Variants in TMEM116 observed in about 807,000 individuals in gnomAD.
The protein encoded by TMEM116 is transmembrane protein 116.
TMEM116 carries 38 observed loss-of-function variants against 44.3 expected under a neutral mutation model. The ratio of observed to expected loss-of-function variants is 0.86; its 90% confidence interval spans 0.66 to 1.12. The LOEUF (loss-of-function observed/expected upper bound fraction) is 1.12. Ranked by LOEUF, TMEM116 falls within the 50% of genes most tolerant of loss-of-function variation. The pLI, the probability that TMEM116 is intolerant of heterozygous loss-of-function variation, is 0.00. For missense variants in TMEM116, 354 were observed against 401.7 expected (o/e 0.88, Z 1.01); for synonymous variants, 132 against 144.8 (o/e 0.91, Z 0.64).
intron 4 of TMEM116, among the ~76,000 whole-genome samples, chr12:111,979,180 T>C (rs2075822070): frequency 1.3e-5 from 2 of 152,198 alleles, no homozygotes; most frequent in Admixed American, 6.5e-5. Flanking sequence ...TGAATACATG[T>C]ACACATGTTC....
At chr12:111,979,799 C>T (rs2075848983) in intron 4 of TMEM116, among the ~76,000 whole-genome samples, 1 of 152,206 alleles carries the variant, frequency 6.6e-6, no homozygotes, top group Non-Finnish European at 1.5e-5. Context: ...GGATATGTCA[C>T]CAAAGAAGAC....
At chr12:111,948,161 A>G (rs2073426212) in intron 4 of TMEM116, among the ~76,000 whole-genome samples, 1 of 152,246 alleles carries the variant, frequency 6.6e-6, no homozygotes, top group Non-Finnish European at 1.5e-5. Flanking sequence ...TAATTTACAT[A>G]TAAGCACTGA....
chr12:111,983,176 G>A (rs2076040772), intron 4 of TMEM116, among the ~76,000 whole-genome samples: 1 of 152,016 alleles, frequency 6.6e-6, no homozygotes, highest in African/African-American at 2.4e-5. Context: ...GGTGGCTCAT[G>A]CCTGTAATCC....
intron 1 of TMEM116, among the ~76,000 whole-genome samples, chr12:112,009,191 G>GT (rs2077722731): frequency 6.6e-6 from 1 of 152,080 alleles, no homozygotes. Context: ...AACAAACATT[G>GT]TAAGAAGGAA....
At chr12:111,967,925 C>T (rs1254378911) in intron 4 of TMEM116, among the ~76,000 whole-genome samples, 2 of 152,074 alleles carry the variant, frequency 1.3e-5, no homozygotes, top group Non-Finnish European at 2.9e-5. Flanking sequence ...CCCTATCTTA[C>T]CTCCTAGAAA....
chr12:111,967,881 A>G (rs982921839), intron 4 of TMEM116, among the ~76,000 whole-genome samples: 1 of 152,192 alleles, frequency 6.6e-6, no homozygotes, highest in Non-Finnish European at 1.5e-5. Context: ...AATCTCAGGG[A>G]GAAGAGAAAT....
chr12:111,968,856 G>A (rs1243590680), intron 4 of TMEM116, among the ~76,000 whole-genome samples: 3 of 151,670 alleles, frequency 2.0e-5, no homozygotes, highest in Admixed American at 2.0e-4. Flanking sequence ...AGCCGGGGGT[G>A]GTGGCGGGCA....
rs146203211 is a variant in TMEM116 at position 111,931,660 on chromosome 12, G to A, written c.975C>T (p.Ser325=). 3.0e-5 allele frequency: 48 copies of A among 1,614,028 alleles called. No homozygotes were observed. The highest frequency in any genetic ancestry group is 1.6e-4 in the Middle Eastern group (1 of 6,082). Residue 325 remains serine, a synonymous_variant, in exon 11 of 11, where the codon TCC becomes TCT. Coordinates refer to ENST00000552374, the MANE Select transcript of TMEM116 (RefSeq NM_001193531.2). ...FYSRGLNSLE[S]TLTFPASTST... ...AAGTACTGGCAGGAAAAGTCAGGGT[G>A]GATTCCAGTGAATTTAAGCCCCTGC...
intron 3 of TMEM116, among the ~76,000 whole-genome samples, chr12:112,002,759 T>C (rs2077332913): frequency 6.6e-6 from 1 of 152,090 alleles, no homozygotes; most frequent in African/African-American, 2.4e-5. Flanking sequence ...AGTTGGAAAA[T>C]AGTAAGTGTT....
intron 4 of TMEM116, among the ~76,000 whole-genome samples, chr12:111,973,361 A>G (rs1355187237): frequency 6.6e-6 from 1 of 152,224 alleles, no homozygotes; most frequent in Non-Finnish European, 1.5e-5. Context: ...AAAACAACAT[A>G]TTAGAATTTA....
At chr12:111,937,375 T>C in intron 6 of TMEM116, 132 bp from the exon 7 acceptor site, 1 of 703,504 alleles carries the variant, frequency 1.4e-6, no homozygotes, top group Non-Finnish European at 2.4e-6. Context: ...TTTAATTTCT[T>C]CAAGAAAAAT....
chr12:112,000,520 AT>A (rs929368885), intron 3 of TMEM116, among the ~76,000 whole-genome samples: 4 of 148,146 alleles, frequency 2.7e-5, no homozygotes, highest in South Asian at 2.1e-4. Context: ...TCATGATCTG[AT>A]TTTTTTTTCT....
intron 4 of TMEM116, among the ~76,000 whole-genome samples, chr12:111,972,096 A>C (rs1052166667): frequency 2.4e-4 from 36 of 147,938 alleles, no homozygotes; most frequent in African/African-American, 8.5e-4. Flanking sequence ...AAAAAAAAAA[A>C]CCCACCAAAA....
intron 1 of TMEM116, among the ~76,000 whole-genome samples, chr12:112,009,852 A>C (rs945435284): frequency 2.6e-5 from 4 of 152,250 alleles, no homozygotes; most frequent in African/African-American, 4.8e-5. Flanking sequence ...TCAAAAAAAA[A>C]AAAAACAAAA....
intron 4 of TMEM116, among the ~76,000 whole-genome samples, chr12:111,950,721 T>C (rs1472702383): frequency 6.6e-6 from 1 of 152,016 alleles, no homozygotes. Context: ...CCCAAAACTA[T>C]AAAAATCCTG....
intron 4 of TMEM116, among the ~76,000 whole-genome samples, chr12:111,975,783 A>C (rs2075633549): frequency 7.1e-6 from 1 of 140,322 alleles, no homozygotes; most frequent in Non-Finnish European, 1.5e-5. Context: ...TCTGATGTAA[A>C]GGGATACTTT....
intron 1 of TMEM116, chr12:112,012,108 T>A (rs181124153): frequency 6.6e-6 from 1 of 152,248 alleles, no homozygotes; most frequent in African/African-American, 2.4e-5. Flanking sequence ...CTCAACCAGT[T>A]CCCCAACATG....
intron 5 of TMEM116, among the ~76,000 whole-genome samples, chr12:111,939,540 G>A (rs976200937): frequency 1.3e-5 from 2 of 151,104 alleles, no homozygotes; most frequent in African/African-American, 4.9e-5. Context: ...GCTCACATCT[G>A]TAATCCCAGC....
At chr12:112,003,682 T>C (rs982604610) in intron 3 of TMEM116, 118 bp downstream of exon 3, 3 of 1,383,222 alleles carry the variant, frequency 2.2e-6, no homozygotes, top group Admixed American at 3.5e-5. Flanking sequence ...TGTATCATCA[T>C]GACAAATTTA....
Sources: allele counts gnomAD v4.1 joint callset (sites outside exome capture counted in the v4.1 genomes callset), GRCh38; gene constraint gnomAD v4.1.1; transcripts MANE v1.5; gene names NCBI Gene and HGNC (gene_info 2026-07-23, HGNC 2026-07-21).